EIF3A: variants seen among roughly 807,000 people sequenced by gnomAD.
EIF3A encodes eukaryotic translation initiation factor 3 subunit A, also known as EIF3, p180 subunit.
A neutral mutation model predicts 186.6 loss-of-function variants in EIF3A; 21 were observed. That is an observed-to-expected ratio of 0.11 (90% CI 0.08 to 0.16). The LOEUF (loss-of-function observed/expected upper bound fraction) is 0.16. Among genes scored for constraint, EIF3A ranks in the 10% least tolerant of loss-of-function variants. The pLI is 1.00. For missense variants in EIF3A, 1,306 were observed against 1,796.3 expected (o/e 0.73, Z 4.93); for synonymous variants, 563 against 584.3 (o/e 0.96, Z 0.52).
chr10:119,073,426 G>C lies in EIF3A; in HGVS notation c.377+15C>G. The C allele has an allele frequency of 6.4e-7, 1 of 1,571,904 alleles. No individual in the cohort carries two copies. Among genetic ancestry groups the C allele is most frequent in the African/African-American group, 1.4e-5 (1 of 73,610 alleles). On this transcript the variant is annotated intron_variant, in intron 3 of 21. Coordinates refer to ENST00000369144, the MANE Select transcript of EIF3A (RefSeq NM_003750.4). ...TTAACTATCAAAGCATTTATTAGAG[G>C]TCTAACCCACATACCTCTCAGGAGT...
chr10:119,080,484 C>T, intron 1 of EIF3A, 144 bp downstream of exon 1: 1 of 1,390,836 alleles, frequency 7.2e-7, no homozygotes, highest in Non-Finnish European at 9.2e-7. Flanking sequence ...TGCCCAACCA[C>T]CGGCTGGGAC....
chr10:119,080,635 G>A lies in EIF3A; in HGVS notation c.42C>T (p.Arg14=), dbSNP rs760844461. The A allele has an allele frequency of 6.3e-7, 1 of 1,594,576 alleles. No homozygotes were observed. The highest frequency in any genetic ancestry group is 2.3e-5 in the East Asian group (1 of 43,868). ...YFQRPENALK[R]ANEFLEVGKK... is the part of the protein sequence containing the mutation. Reference sequence around the variant, plus strand: ...CCCCGATCAGCTACTCACCGTTGGCGCGTTTGAGGGCATTTTCCGGCCTCT... The same window carrying A: ...CCCCGATCAGCTACTCACCGTTGGCACGTTTGAGGGCATTTTCCGGCCTCT... The change falls in exon 1 of 22, where the codon CGC becomes CGT. Residue 14 remains arginine, a synonymous_variant. Coordinates refer to ENST00000369144, the MANE Select transcript of EIF3A (RefSeq NM_003750.4).
At chr10:119,062,520 T>A (rs1435501172) in intron 7 of EIF3A, among the ~76,000 whole-genome samples, 3 of 152,168 alleles carry the variant, frequency 2.0e-5, no homozygotes, top group African/African-American at 7.2e-5. Flanking sequence ...ATCCATTCAC[T>A]TGACACTAAC....
rs924745335 is a variant in EIF3A, at chr10:119,059,244, C to T, written c.1597G>A (p.Ala533Thr). 1.9e-6 allele frequency: 3 copies of T among 1,614,058 alleles called. No homozygotes were observed. In the African/African-American group the frequency reaches 4.0e-5, roughly 22 times the overall value. The change falls in exon 11 of 22, where the codon GCA (alanine) becomes ACA (threonine). Residue 533 changes from alanine (A) to threonine (T), a missense_variant. Around this residue, in one of 8 missense-constraint regions of EIF3A, gnomAD observed 44 missense variants for 43.4 expected, o/e 1.01. Coordinates refer to ENST00000369144, the MANE Select transcript of EIF3A (RefSeq NM_003750.4). ...TGAGCTGGTTTAATGACTTCAAGTG[C>T]TTTTGCAAGTACTGAGGACATGGCT... ...LTAMSSVLAK[A>T]LEVIKPAHIL... is the part of the protein sequence containing the mutation.
intron 19 of EIF3A, 47 bp from the exon 20 acceptor site, chr10:119,038,486 A>C: frequency 6.7e-7 from 1 of 1,491,144 alleles, no homozygotes; most frequent in Non-Finnish European, 9.2e-7. Context: ...TTTTAAAAGA[A>C]GAAACAGATT....
chr10:119,063,516 C>A (rs554827202), intron 7 of EIF3A, among the ~76,000 whole-genome samples: 2 of 152,228 alleles, frequency 1.3e-5, no homozygotes, highest in African/African-American at 4.8e-5. Flanking sequence ...TTTTTGATTT[C>A]TTTATTGCTC....
In EIF3A at chr10:119,065,486, A is replaced by G. The variant is rs1285487686; in HGVS notation, c.1035T>C (p.Asp345=). The G allele has an allele frequency of 9.3e-6, 15 of 1,613,336 alleles. No individual in the cohort carries two copies. The highest frequency in any genetic ancestry group is 1.3e-5 in the African/African-American group (1 of 74,912). ...GACGCTGTTTTTCAACTATAATGCC[A>G]TCCATATCCAGAAGTCGAGCAATAT... ...RTDIARLLDM[D]GIIVEKQRRL... The change falls in exon 7 of 22, where the codon GAT becomes GAC. Residue 345 remains aspartate, a synonymous_variant. Transcript: ENST00000369144.
chr10:119,056,951 C>T lies in EIF3A; in HGVS notation c.2067G>A (p.Lys689=), dbSNP rs767275902. The change falls in exon 13 of 22, where the codon AAG becomes AAA. Residue 689 remains lysine (K), a synonymous_variant. Coordinates refer to ENST00000369144, the MANE Select transcript of EIF3A (RefSeq NM_003750.4). ...KEKKELQERL[K]NQEKKIDYFE... Reference sequence around the variant, plus strand: ...TTTCATTTACCTTCTTTTCTTGATTCTTTAGGCGTTCTTGAAGTTCTTTCT... The same window carrying T: ...TTTCATTTACCTTCTTTTCTTGATTTTTTAGGCGTTCTTGAAGTTCTTTCT... 1.9e-6 allele frequency: 3 copies of T among 1,611,582 alleles called. No individual in the cohort carries two copies. The highest frequency in any genetic ancestry group is 2.5e-6 in the Non-Finnish European group (3 of 1,178,292).
At chr10:119,075,575 T>G (rs1844151872) in intron 1 of EIF3A, among the ~76,000 whole-genome samples, 1 of 111,082 alleles carries the variant, frequency 9.0e-6, no homozygotes, top group Non-Finnish European at 1.8e-5. Flanking sequence ...CAATGAACAT[T>G]TAAAAAATAA....
At position 119,061,213 on chromosome 10, in the gene EIF3A, C is replaced by A. The variant is rs1223401246; in HGVS notation, c.1227+11G>T. The A allele has an allele frequency of 2.0e-6, 3 of 1,477,104 alleles. No homozygotes were observed. The highest frequency in any genetic ancestry group is 1.9e-6 in the Non-Finnish European group (2 of 1,074,502). The allele number at this position is 1,477,104 out of a possible 1,614,324, so 91.5% of individuals were successfully genotyped here. ...TGTGGTAACAACCAGAACTTAAATACAAAGGCTTACCTTTGTGACTCGCTC... is the reference window on the plus strand; with the variant it reads ...TGTGGTAACAACCAGAACTTAAATAAAAAGGCTTACCTTTGTGACTCGCTC... On this transcript the variant is annotated intron_variant, in intron 8 of 21. Transcript: ENST00000369144.
chr10:119,044,271 T>C (rs192962147), intron 17 of EIF3A, 129 bp from the exon 18 acceptor site: 11 of 659,456 alleles, frequency 1.7e-5, no homozygotes, highest in Non-Finnish European at 2.9e-5. Context: ...AGTTTTAAAA[T>C]TTCATTTATT....
chr10:119,039,268 T>C (rs1013530230), intron 19 of EIF3A, among the ~76,000 whole-genome samples: 1 of 152,220 alleles, frequency 6.6e-6, no homozygotes, highest in Non-Finnish European at 1.5e-5. Context: ...TGGCTCACAC[T>C]TATGCATGGA....
intron 7 of EIF3A, among the ~76,000 whole-genome samples, chr10:119,064,832 T>A (rs1312884408): frequency 6.6e-6 from 1 of 152,150 alleles, no homozygotes; most frequent in East Asian, 1.9e-4. Context: ...CTCAGCCTCC[T>A]GCGTAGCTGG....
intron 1 of EIF3A, among the ~76,000 whole-genome samples, chr10:119,076,061 C>T (rs1397838577): frequency 4.7e-5 from 7 of 149,668 alleles, no homozygotes; most frequent in South Asian, 2.1e-4. Flanking sequence ...TGATAATGGC[C>T]GGGCGCAGTA....
rs1443099762 is a variant in EIF3A at position 119,057,977 on chromosome 10, T to A, written c.1956A>T (p.Ala652=). Residue 652 remains alanine (A), a synonymous_variant, in exon 12 of 22, where the codon GCA becomes GCT. Coordinates refer to ENST00000369144, the MANE Select transcript of EIF3A (RefSeq NM_003750.4). The stretch of plus-strand genomic sequence containing the variant: ...GTACTTCAATATCAATATCTTTGAA[T>A]GCTTTGGCACCCAGTTCTGTTTTCT... The part of the protein sequence containing the change: ...QIKKTELGAK[A]FKDIDIEDLE... 6.2e-7 allele frequency: 1 copy of A among 1,612,204 alleles called. No homozygotes were observed.
chr10:119,072,243 T>TAA (rs68078133), intron 4 of EIF3A, among the ~76,000 whole-genome samples: 6 of 122,830 alleles, frequency 4.9e-5, no homozygotes, highest in African/African-American at 1.6e-4. Flanking sequence ...TCAAGTTCAC[T>TAA]AAAAAAAAAA....
chr10:119,047,764 A>G (rs1245550106), intron 17 of EIF3A, among the ~76,000 whole-genome samples: 1 of 152,234 alleles, frequency 6.6e-6, no homozygotes, highest in East Asian at 1.9e-4. Context: ...TTTACTTAAT[A>G]CCAAGGAATT....
In EIF3A at chr10:119,059,308, C is replaced by T. The variant is rs781292805; in HGVS notation, c.1533G>A (p.Leu511=). 2 of 1,613,472 alleles carry T rather than the reference C, an allele frequency of 1.2e-6. No homozygotes were observed. The highest frequency in any genetic ancestry group is 3.3e-5 in the Admixed American group (2 of 59,830). ...TREDAPIGPH[L]QSMPSEQIRN... Reference sequence around the variant, plus strand: ...TTATCTGCTCTGAAGGCATGCTTTGCAAATGAGGACCAATCGGAGCATCTT... The same window carrying T: ...TTATCTGCTCTGAAGGCATGCTTTGTAAATGAGGACCAATCGGAGCATCTT... Residue 511 remains leucine, a synonymous_variant, in exon 11 of 22, where the codon TTG becomes TTA. Transcript: ENST00000369144.
At chr10:119,053,104 CTT>C (rs35316398) in intron 14 of EIF3A, among the ~76,000 whole-genome samples, 6 of 150,046 alleles carry the variant, frequency 4.0e-5, no homozygotes, top group African/African-American at 7.3e-5. Context: ...ATTCTGAAAA[CTT>C]TTTTTTTTGA....
Sources: allele counts gnomAD v4.1 joint callset (sites outside exome capture counted in the v4.1 genomes callset), GRCh38; gene constraint gnomAD v4.1.1; regional missense constraint gnomAD v4.1.1; transcripts MANE v1.5; gene names NCBI Gene and HGNC (gene_info 2026-07-23, HGNC 2026-07-21).